Variants in LRRC9 observed in about 807,000 individuals in gnomAD.
The protein encoded by LRRC9 is leucine rich repeat containing 9.
In LRRC9, 122 loss-of-function variants were observed where a neutral mutation model predicts 63.2. The observed-to-expected ratio is 1.93, with a 90% confidence interval of 1.67 to 2.24. LRRC9 has a LOEUF of 2.24. Ranked by LOEUF, LRRC9 falls within the 30% of genes most tolerant of loss-of-function variation. The pLI is 0.00. For synonymous variants in LRRC9, 366 were observed against 213.1 expected (o/e 1.72, Z -6.25); for missense variants, 1,071 against 627.7 (o/e 1.71, Z -7.55).
Position 59,966,293 on chromosome 14 carries a change from A to C in LRRC9, c.1212-296A>C, listed in dbSNP as rs1884850377. On this transcript the variant is annotated intron_variant, in intron 10 of 31. Transcript: ENST00000445360. The surrounding 1 kb of genome is among the most constrained non-coding windows in gnomAD (Gnocchi z 4.0). Reference sequence around the variant, plus strand: ...AGTTCAACATCTAAAAGTCTGTCTGAGAAGACCCAGCAAGAAAACTATGAA... The same window carrying C: ...AGTTCAACATCTAAAAGTCTGTCTGCGAAGACCCAGCAAGAAAACTATGAA... Among the ~76,000 whole-genome samples the C allele has an allele frequency of 1.3e-5, 2 of 152,210 alleles. 1 individual carries two copies. Among genetic ancestry groups the C allele is most frequent in the South Asian group, 4.1e-4 (2 of 4,826 alleles).
chr14:60,065,593 A>AGCTGAGATGGCACC (rs1406262191), downstream of LRRC9, among the ~76,000 whole-genome samples: 1 of 135,088 alleles, frequency 7.4e-6, no homozygotes, highest in African/African-American at 2.6e-5. Context: ...GGTTGCAGTG[A>AGCTGAGATGGCACC]GCTGAGATGG....
intron 8 of LRRC9, among the ~76,000 whole-genome samples, chr14:59,956,308 A>C (rs1260679756): frequency 6.6e-6 from 1 of 151,928 alleles, no homozygotes; most frequent in Non-Finnish European, 1.5e-5. Flanking sequence ...TATTTTATGA[A>C]TCTGGGTGCT....
chr14:59,984,036 G>A (rs1887206604), intron 16 of LRRC9, among the ~76,000 whole-genome samples: 1 of 152,196 alleles, frequency 6.6e-6, no homozygotes, highest in Non-Finnish European at 1.5e-5. Flanking sequence ...TGGCCTGTTT[G>A]AGAAACAGTT....
At chr14:59,968,623 T>A (rs1885118404) in intron 12 of LRRC9, among the ~76,000 whole-genome samples, 1 of 152,186 alleles carries the variant, frequency 6.6e-6, no homozygotes, top group African/African-American at 2.4e-5. Context: ...CTCATTGTAC[T>A]TTATGGAGAA....
In LRRC9 at chr14:59,966,041, G is replaced by A. The variant is rs960318401; in HGVS notation, c.1212-548G>A. Among the ~76,000 whole-genome samples, 1 of 151,926 alleles carries A rather than the reference G, an allele frequency of 6.6e-6. No individual in the cohort carries two copies. The highest frequency in any genetic ancestry group is 1.5e-5 in the Non-Finnish European group (1 of 67,996). On this transcript the variant is annotated intron_variant, in intron 10 of 31. Transcript: ENST00000445360. The surrounding 1 kb of genome is among the most constrained non-coding windows in gnomAD (Gnocchi z 4.0). Reference sequence around the variant, plus strand: ...CAGAGGAGCAGGTTTGGGGTGCAGTGTTAGTTATGTTAGGTTGGAGTCACC... The same window carrying A: ...CAGAGGAGCAGGTTTGGGGTGCAGTATTAGTTATGTTAGGTTGGAGTCACC...
chr14:59,984,693 C>T (rs990955749), intron 16 of LRRC9, among the ~76,000 whole-genome samples: 3 of 152,254 alleles, frequency 2.0e-5, no homozygotes, highest in South Asian at 2.1e-4. Context: ...CATACATTTT[C>T]CTGCCATCTC....
intron 8 of LRRC9, among the ~76,000 whole-genome samples, chr14:59,951,479 A>C (rs983487392): frequency 7.3e-6 from 1 of 136,924 alleles, no homozygotes; most frequent in Non-Finnish European, 1.6e-5. Flanking sequence ...TGATCGTCTG[A>C]AGCCTTCTTC....
chr14:59,982,293 T>A (rs2140103777), intron 16 of LRRC9, among the ~76,000 whole-genome samples: 1 of 152,364 alleles, frequency 6.6e-6, no homozygotes, highest in Admixed American at 6.5e-5. Context: ...TTTTAAAAGC[T>A]TTTTTAAAAA....
intron 8 of LRRC9, among the ~76,000 whole-genome samples, chr14:59,945,075 G>A (rs1347849050): frequency 6.6e-6 from 1 of 151,328 alleles, no homozygotes; most frequent in Non-Finnish European, 1.5e-5. Context: ...AAAATTATTA[G>A]ACTTATTCAG....
intron 7 of LRRC9, among the ~76,000 whole-genome samples, chr14:59,941,483 T>C (rs1881760434): frequency 6.6e-6 from 1 of 151,740 alleles, no homozygotes; most frequent in Non-Finnish European, 1.5e-5. Context: ...AAAATATCTA[T>C]TAAATTTTAG....
intron 16 of LRRC9, among the ~76,000 whole-genome samples, 178 bp downstream of exon 16, chr14:59,982,238 T>C (rs1566842543): frequency 1.3e-5 from 2 of 152,254 alleles, no homozygotes; most frequent in Non-Finnish European, 2.9e-5. Context: ...AGTAGTAATA[T>C]AATGTGAACC....
chr14:59,937,142 GAC>G (rs989311702), intron 6 of LRRC9, among the ~76,000 whole-genome samples: 37 of 118,916 alleles, frequency 3.1e-4, no homozygotes, highest in African/African-American at 1.2e-3. Context: ...TGTTAAACAA[GAC>G]ACAAACCTTG....
chr14:59,965,055 A>G (rs1884696283), intron 10 of LRRC9, among the ~76,000 whole-genome samples: 1 of 152,218 alleles, frequency 6.6e-6, no homozygotes, highest in South Asian at 2.1e-4. Flanking sequence ...TTGATTATGT[A>G]GGTGAGGACC....
intron 24 of LRRC9, 165 bp from the exon 25 acceptor site, chr14:60,018,206 A>G: frequency 1.8e-6 from 1 of 553,546 alleles, no homozygotes; most frequent in Non-Finnish European, 3.2e-6. Flanking sequence ...ATGTATATTC[A>G]GCCGATCATT....
chr14:59,956,879 C>T (rs937314791), intron 8 of LRRC9, among the ~76,000 whole-genome samples: 6 of 152,126 alleles, frequency 3.9e-5, no homozygotes, highest in African/African-American at 4.8e-5. Context: ...ATTTCTCCTT[C>T]GCTTATGAAG....
intron 15 of LRRC9, among the ~76,000 whole-genome samples, chr14:59,978,485 T>G (rs1886563140): frequency 6.6e-6 from 1 of 152,168 alleles, no homozygotes; most frequent in Non-Finnish European, 1.5e-5. Context: ...TGGGTTTGCT[T>G]TCAATCCTTT....
rs1884034234 is a variant in LRRC9, at chr14:59,958,551, C to T, written c.883-1267C>T. Among the ~76,000 whole-genome samples, 4 of 152,242 alleles carry T rather than the reference C, an allele frequency of 2.6e-5. No individual in the cohort carries two copies. Among genetic ancestry groups the T allele is most frequent in the Admixed American group, 6.5e-5 (1 of 15,284 alleles). On this transcript the variant is annotated intron_variant, in intron 8 of 31. Transcript: ENST00000445360. The surrounding 1 kb of genome is among the most constrained non-coding windows in gnomAD (Gnocchi z 4.0). ...AGAATTTCAAGCTAGTGGTTCTTAGCTTGCTGGGCTCTGTGGGAGTGGGAC... is the reference window on the plus strand; with the variant it reads ...AGAATTTCAAGCTAGTGGTTCTTAGTTTGCTGGGCTCTGTGGGAGTGGGAC...
At chr14:59,997,963 A>T (rs1264764904) in intron 18 of LRRC9, 116 bp downstream of exon 18, 14 of 563,694 alleles carry the variant, frequency 2.5e-5, no homozygotes, top group Non-Finnish European at 4.1e-5. Flanking sequence ...GTTTTTCTAG[A>T]CTTCCTTCCT....
chr14:59,964,511 A>G lies in LRRC9; in HGVS notation c.1212-2078A>G, dbSNP rs78777317. On this transcript the variant is annotated intron_variant, in intron 10 of 31. Coordinates refer to ENST00000445360, the Ensembl canonical transcript of LRRC9. The surrounding 1 kb of genome is among the most constrained non-coding windows in gnomAD (Gnocchi z 4.4). ...CTTCATAGCTCCTGCCTTCCTGGGG[A>G]ACCAGCCTAGGAGCTAGGTATTGTT... Among the ~76,000 whole-genome samples, 2,111 of 152,256 alleles carry G rather than the reference A, an allele frequency of 0.014. 46 individuals are homozygous for G. The highest frequency in any genetic ancestry group is 0.058 in the East Asian group (298 of 5,168).
Sources: allele counts gnomAD v4.1 joint callset (sites outside exome capture counted in the v4.1 genomes callset), GRCh38; gene constraint gnomAD v4.1.1; non-coding constraint Gnocchi (gnomAD v3.1); transcripts MANE v1.5; gene names NCBI Gene and HGNC (gene_info 2026-07-23, HGNC 2026-07-21).